The following ADAMTS6 variants were observed in gnomAD, a reference collection of about 807,000 sequenced individuals.
The protein encoded by ADAMTS6 is ADAM metallopeptidase with thrombospondin type 1 motif 6.
ADAMTS6 carries 23 observed loss-of-function variants against 144.3 expected under a neutral mutation model. The observed-to-expected ratio is 0.16, with a 90% confidence interval of 0.11 to 0.23. ADAMTS6 has a LOEUF of 0.23. Ranked by LOEUF, ADAMTS6 falls within the 10% of genes least tolerant of loss-of-function variation. ADAMTS6 has a pLI of 1.00. For synonymous variants in ADAMTS6, 444 were observed against 457.5 expected (o/e 0.97, Z 0.38); for missense variants, 999 against 1,379.6 (o/e 0.72, Z 4.37).
intron 7 of ADAMTS6, among the ~76,000 whole-genome samples, chr5:65,364,564 CTTTTTTTTTTTT>C (rs1245835544): frequency 8.5e-6 from 1 of 117,848 alleles, no homozygotes; most frequent in South Asian, 2.8e-4. Context: ...GAATTTCTTT[CTTTTTTTTTTTT>C]TTTTTTTTGG....
chr5:65,170,082 A>G (rs1398465211), intron 24 of ADAMTS6, among the ~76,000 whole-genome samples: 2 of 152,238 alleles, frequency 1.3e-5, no homozygotes, highest in Non-Finnish European at 2.9e-5. Flanking sequence ...GAGAAATTCC[A>G]GAGCACAAAG....
At chr5:65,383,456 T>C (rs6867518) in intron 7 of ADAMTS6, among the ~76,000 whole-genome samples, 17,909 of 152,200 alleles carry the variant, frequency 0.12, 1,146 homozygotes, top group African/African-American at 0.14. Flanking sequence ...TAGCTGGTTC[T>C]AAGTTCAAAA....
At chr5:65,435,082 A>G (rs537056129) in intron 7 of ADAMTS6, among the ~76,000 whole-genome samples, 1 of 152,378 alleles carries the variant, frequency 6.6e-6, no homozygotes, top group East Asian at 1.9e-4. Context: ...GTAAAGATGA[A>G]TTTAAAAAAT....
chr5:65,364,706 AC>A, intron 7 of ADAMTS6, among the ~76,000 whole-genome samples: 1 of 151,148 alleles, frequency 6.6e-6, no homozygotes, highest in Non-Finnish European at 1.5e-5. Flanking sequence ...AGCTGGGACT[AC>A]AGGCGCCCGT....
intron 7 of ADAMTS6, among the ~76,000 whole-genome samples, chr5:65,348,782 A>T (rs563418859): frequency 6.6e-6 from 1 of 152,212 alleles, no homozygotes; most frequent in South Asian, 2.1e-4. Flanking sequence ...ATTATTGCCC[A>T]TTAAAAAAAT....
Position 65,151,831 on chromosome 5 carries a change from G to A in ADAMTS6, c.*5C>T, listed in dbSNP as rs1187922698. The A allele has an allele frequency of 1.2e-6, 2 of 1,605,718 alleles. No homozygotes were observed. Among genetic ancestry groups the A allele is most frequent in the Non-Finnish European group, 1.7e-6 (2 of 1,173,178 alleles). On this transcript the variant is annotated 3_prime_UTR_variant, in exon 25 of 25. Coordinates refer to ENST00000381055, the MANE Select transcript of ADAMTS6 (RefSeq NM_197941.4). The stretch of plus-strand genomic sequence containing the variant: ...GACAAGGCACTCTCTCTGGCTTTCT[G>A]TGGGTCAGTGTCCTTGGCAGGTCTT...
At chr5:65,267,871 G>A (rs965676426) in intron 12 of ADAMTS6, among the ~76,000 whole-genome samples, 3 of 152,174 alleles carry the variant, frequency 2.0e-5, no homozygotes, top group Non-Finnish European at 4.4e-5. Flanking sequence ...GAAGAGCTGA[G>A]TGTTGGAGCA....
intron 7 of ADAMTS6, among the ~76,000 whole-genome samples, chr5:65,365,400 C>CT (rs1750211466): frequency 6.6e-6 from 1 of 152,118 alleles, no homozygotes; most frequent in Admixed American, 6.5e-5. Flanking sequence ...AATCCAAGCA[C>CT]TTTGGGAGGC....
chr5:65,410,449 A>T (rs1322646350), intron 7 of ADAMTS6, among the ~76,000 whole-genome samples: 7 of 152,174 alleles, frequency 4.6e-5, no homozygotes, highest in African/African-American at 1.7e-4. Flanking sequence ...TGATGTTTTG[A>T]TATATGTATA....
At chr5:65,204,545 A>T (rs890498290) in intron 20 of ADAMTS6, among the ~76,000 whole-genome samples, 2 of 152,176 alleles carry the variant, frequency 1.3e-5, no homozygotes, top group African/African-American at 4.8e-5. Flanking sequence ...CACAACATTG[A>T]AAGTGACCTG....
chr5:65,376,212 G>A (rs954741210), intron 7 of ADAMTS6, among the ~76,000 whole-genome samples: 1 of 152,084 alleles, frequency 6.6e-6, no homozygotes, highest in Non-Finnish European at 1.5e-5. Flanking sequence ...GTATACATAT[G>A]TAACTAACCT....
intron 7 of ADAMTS6, among the ~76,000 whole-genome samples, chr5:65,347,702 T>A (rs920778546): frequency 6.6e-6 from 1 of 151,972 alleles, no homozygotes; most frequent in East Asian, 1.9e-4. Flanking sequence ...AATTTAACAG[T>A]GATAAGACAA....
intron 7 of ADAMTS6, among the ~76,000 whole-genome samples, chr5:65,367,322 T>G (rs1194701395): frequency 6.6e-6 from 1 of 152,172 alleles, no homozygotes; most frequent in African/African-American, 2.4e-5. Flanking sequence ...TAAATCATCT[T>G]TAATACTCCA....
intron 1 of ADAMTS6, among the ~76,000 whole-genome samples, chr5:65,478,813 C>T (rs1761017582): frequency 6.6e-6 from 1 of 152,158 alleles, no homozygotes; most frequent in Admixed American, 6.5e-5. Context: ...TTCACATATG[C>T]TTTTCTCCCT....
At chr5:65,394,580 A>G (rs1753190036) in intron 7 of ADAMTS6, among the ~76,000 whole-genome samples, 1 of 152,206 alleles carries the variant, frequency 6.6e-6, no homozygotes, top group Admixed American at 6.5e-5. Flanking sequence ...GTTGAGGAGG[A>G]TTGCTCAAGT....
chr5:65,174,141 A>G (rs1753804860), intron 22 of ADAMTS6, among the ~76,000 whole-genome samples: 1 of 152,166 alleles, frequency 6.6e-6, no homozygotes, highest in Admixed American at 6.5e-5. Context: ...TCCTACAGGA[A>G]CTACACTAGA....
At chr5:65,320,159 T>C (rs1316801552) in intron 9 of ADAMTS6, among the ~76,000 whole-genome samples, 1 of 152,018 alleles carries the variant, frequency 6.6e-6, no homozygotes, top group Admixed American at 6.6e-5. Flanking sequence ...AGATGTTTTT[T>C]AAAAACAGAA....
At chr5:65,479,083 T>C (rs1304688273) in intron 1 of ADAMTS6, among the ~76,000 whole-genome samples, 1 of 152,230 alleles carries the variant, frequency 6.6e-6, no homozygotes, top group African/African-American at 2.4e-5. Flanking sequence ...TATAATGTTC[T>C]TCTCAACTTC....
chr5:65,208,905 A>G (rs1420436683), intron 20 of ADAMTS6, among the ~76,000 whole-genome samples: 2 of 152,198 alleles, frequency 1.3e-5, no homozygotes, highest in Admixed American at 1.3e-4. Context: ...AGCCAGTGGC[A>G]CCAGCAACAC....
Sources: allele counts gnomAD v4.1 joint callset (sites outside exome capture counted in the v4.1 genomes callset), GRCh38; gene constraint gnomAD v4.1.1; transcripts MANE v1.5; gene names NCBI Gene and HGNC (gene_info 2026-07-23, HGNC 2026-07-21).